The following BMP3 variants were observed in gnomAD, a reference collection of about 807,000 sequenced individuals.
BMP3 encodes the protein bone morphogenetic protein 3.
A neutral mutation model predicts 38.1 loss-of-function variants in BMP3; 23 were observed. The ratio of observed to expected loss-of-function variants is 0.60; its 90% confidence interval spans 0.43 to 0.86. The LOEUF is 0.86. BMP3 is among the 40% of genes least tolerant of loss of function. The pLI is 0.00. For missense variants in BMP3, 628 were observed against 579.6 expected (o/e 1.08, Z -0.86); for synonymous variants, 258 against 225.7 (o/e 1.14, Z -1.28).
At chr4:81,037,090 C>T (rs938595817) in intron 1 of BMP3, among the ~76,000 whole-genome samples, 5 of 151,994 alleles carry the variant, frequency 3.3e-5, no homozygotes, top group African/African-American at 1.2e-4. Context: ...GCAAAATGAT[C>T]TCACTTTATT....
chr4:81,050,340 T>G (rs1353435574), intron 2 of BMP3, among the ~76,000 whole-genome samples: 1 of 152,126 alleles, frequency 6.6e-6, no homozygotes, highest in Admixed American at 6.6e-5. Context: ...GCCAATCTGT[T>G]CTCCCAGAGA....
chr4:81,041,221 T>C (rs1468047630), intron 1 of BMP3, among the ~76,000 whole-genome samples: 1 of 152,202 alleles, frequency 6.6e-6, no homozygotes, highest in African/African-American at 2.4e-5. Flanking sequence ...CTCACTCTTA[T>C]TTACTTCTCT....
rs146805536 is a variant in BMP3, at chr4:81,038,243, ATAAGT to A, written c.316+6647_316+6651del. ...GTTTTGCCATAAAGAAGTCTTCAAA[ATAAGT>A]TAATCAAGACTGCTTACCCTTCACT... On this transcript the variant is annotated intron_variant, in intron 1 of 2. Transcript: ENST00000282701. Among the ~76,000 whole-genome samples the A allele has an allele frequency of 5.6e-3, 854 of 152,290 alleles. 4 individuals are homozygous for A. Among genetic ancestry groups the A allele is most frequent in the African/African-American group, 0.02 (813 of 41,566 alleles).
chr4:81,035,907 G>A (rs1486367339), intron 1 of BMP3, among the ~76,000 whole-genome samples: 1 of 151,916 alleles, frequency 6.6e-6, no homozygotes, highest in Non-Finnish European at 1.5e-5. Flanking sequence ...CTTCTAAGAT[G>A]TCTAGTTGGG....
rs60606505 is a variant in BMP3 at position 81,053,601 on chromosome 4, GTTTTT to G, written c.*81_*85del. The G allele has an allele frequency of 1.5e-3, 536 of 357,398 alleles. No homozygotes were observed. The highest frequency in any genetic ancestry group is 2.9e-3 in the Middle Eastern group (3 of 1,038). 22.1% of individuals were successfully genotyped at this position (357,398 alleles called of 1,614,324 possible). A position where few individuals can be genotyped will look rare whatever the true frequency, so the allele number is the denominator to read the frequency against. On this transcript the variant is annotated 3_prime_UTR_variant, in exon 3 of 3. Transcript: ENST00000282701. ...AGTTTATTTTTATGGACTTCTTCCT[GTTTTT>G]TTTTTTTTTTTTTTTGCACTGCCAA...
intron 1 of BMP3, among the ~76,000 whole-genome samples, chr4:81,040,213 T>C (rs1178866098): frequency 6.6e-6 from 1 of 152,204 alleles, no homozygotes; most frequent in Non-Finnish European, 1.5e-5. Flanking sequence ...CATGTGCCAG[T>C]GCCAGCAAAC....
chr4:81,042,000 A>G (rs11099459), intron 1 of BMP3, among the ~76,000 whole-genome samples: 125,953 of 151,962 alleles, frequency 0.83, 53,643 homozygotes, highest in Non-Finnish European at 0.93. Flanking sequence ...CTAGACCACA[A>G]CCATCCAATA....
rs1740538319 is a variant in BMP3, at chr4:81,055,783, C to T, written c.*2247C>T. The T allele has an allele frequency of 6.6e-6, 1 of 152,070 alleles. No homozygotes were observed. Among genetic ancestry groups the T allele is most frequent in the Admixed American group, 6.6e-5 (1 of 15,256 alleles). 9.4% of individuals were successfully genotyped at this position (152,070 alleles called of 1,614,324 possible). ...GATTGCACCCCACAATGGCCAAAAA[C>T]CCACTACATAATAAAATTTACAGGT... On this transcript the variant is annotated 3_prime_UTR_variant, in exon 3 of 3. Coordinates refer to ENST00000282701, the MANE Select transcript of BMP3 (RefSeq NM_001201.5).
intron 1 of BMP3, among the ~76,000 whole-genome samples, chr4:81,035,034 C>A (rs892771578): frequency 2.0e-5 from 3 of 151,996 alleles, no homozygotes; most frequent in African/African-American, 7.2e-5. Context: ...TTTAAAAGTA[C>A]TTGGATAATC....
intron 2 of BMP3, among the ~76,000 whole-genome samples, chr4:81,051,524 G>A (rs114727449): frequency 5.9e-4 from 90 of 152,136 alleles, no homozygotes; most frequent in African/African-American, 2.0e-3. Context: ...AAAAGTTTTC[G>A]CTTTATGACA....
Position 81,045,931 on chromosome 4 carries a change from C to T in BMP3, c.510C>T (p.Leu170=). ...HIQIDLSAWT[L]KFSRNQSQLL... ...AGATTGATCTTTCTGCATGGACCCTCAAATTCAGCAGAAACCAAAGTCAAC... is the reference window on the plus strand; with the variant it reads ...AGATTGATCTTTCTGCATGGACCCTTAAATTCAGCAGAAACCAAAGTCAAC... The change falls in exon 2 of 3, where the codon CTC becomes CTT. Residue 170 remains leucine (L), a synonymous_variant. Coordinates refer to ENST00000282701, the MANE Select transcript of BMP3 (RefSeq NM_001201.5). 1 of 1,614,066 alleles carries T rather than the reference C, an allele frequency of 6.2e-7. No homozygotes were observed. Among genetic ancestry groups the T allele is most frequent in the East Asian group, 2.2e-5 (1 of 44,886 alleles).
At chr4:81,040,653 T>G (rs2109905563) in intron 1 of BMP3, among the ~76,000 whole-genome samples, 1 of 152,276 alleles carries the variant, frequency 6.6e-6, no homozygotes, top group South Asian at 2.1e-4. Context: ...ATCTATGAGA[T>G]AGTTTCCAGA....
At chr4:81,031,639 C>T in intron 1 of BMP3, 39 bp downstream of exon 1, 1 of 1,506,424 alleles carries the variant, frequency 6.6e-7, no homozygotes, top group South Asian at 1.3e-5. Flanking sequence ...CGCGGTCCCG[C>T]CCCAGCTTTC....
chr4:81,031,154 C>T lies in BMP3; in HGVS notation c.-131C>T, dbSNP rs1371654013. On this transcript the variant is annotated 5_prime_UTR_variant, in exon 1 of 3. Transcript: ENST00000282701. ...GCCGCTATCTCGCTGCACCCGGCCG[C>T]GTCCCGGGCTCCGTGCGCCCTCGCC... 3 of 986,562 alleles carry T rather than the reference C, an allele frequency of 3.0e-6. No individual in the cohort carries two copies. The highest frequency in any genetic ancestry group is 4.3e-6 in the Non-Finnish European group (3 of 692,188). The allele number at this position is 986,562 out of a possible 1,614,324, so 61.1% of individuals were successfully genotyped here.
intron 1 of BMP3, among the ~76,000 whole-genome samples, chr4:81,040,371 A>C (rs185002346): frequency 1.1e-4 from 17 of 152,128 alleles, no homozygotes; most frequent in African/African-American, 3.6e-4. Flanking sequence ...TACCATAAAA[A>C]CATCCTCCTG....
At chr4:81,048,240 C>G (rs1392085990) in intron 2 of BMP3, among the ~76,000 whole-genome samples, 1 of 152,130 alleles carries the variant, frequency 6.6e-6, no homozygotes, top group Non-Finnish European at 1.5e-5. Flanking sequence ...ACACACACAA[C>G]AAAGATGACA....
chr4:81,044,127 C>T (rs180682423), intron 1 of BMP3, among the ~76,000 whole-genome samples: 1 of 152,218 alleles, frequency 6.6e-6, no homozygotes, highest in African/African-American at 2.4e-5. Context: ...AGCGAGTACT[C>T]GAATCAAGGT....
At chr4:81,037,929 C>T (rs956657889) in intron 1 of BMP3, among the ~76,000 whole-genome samples, 3 of 151,960 alleles carry the variant, frequency 2.0e-5, no homozygotes, top group African/African-American at 7.2e-5. Flanking sequence ...CATACTAGAC[C>T]CGCGGAATCA....
intron 1 of BMP3, among the ~76,000 whole-genome samples, chr4:81,043,477 C>CT (rs946827248): frequency 1.5e-4 from 22 of 149,374 alleles, no homozygotes; most frequent in East Asian, 5.9e-4. Context: ...CAACAGCATT[C>CT]TTTTTTTTTC....
Sources: gnomAD v4.1 joint callset for allele counts (sites outside exome capture counted in the v4.1 genomes callset) on GRCh38, gnomAD v4.1.1 for gene constraint, MANE v1.5 for transcripts, NCBI Gene and HGNC (gene_info 2026-07-23, HGNC 2026-07-21) for gene names.